Variants in SERPINI2 observed in about 807,000 individuals in gnomAD.
The protein encoded by SERPINI2 is serpin family I member 2.
In SERPINI2, 48 loss-of-function variants were observed where a neutral mutation model predicts 47.3. That is an observed-to-expected ratio of 1.02 (90% CI 0.81 to 1.29). The LOEUF (loss-of-function observed/expected upper bound fraction) is 1.29, where lower values mean the gene tolerates loss of function less well. Ranked by LOEUF, SERPINI2 falls within the 50% of genes most tolerant of loss-of-function variation. The probability of loss-of-function intolerance (pLI) is 0.00; values close to 1 mark genes in which losing one functional copy is unlikely to be tolerated. For synonymous variants in SERPINI2, 135 were observed against 149.3 expected, an observed-to-expected ratio of 0.90 and a Z score of 0.70; for missense variants, 448 against 456.9, an observed-to-expected ratio of 0.98 and a Z score of 0.18.
At chr3:167,466,065 C>A (rs1312502493) in intron 3 of SERPINI2, among the ~76,000 whole-genome samples, 1 of 152,156 alleles carries the variant, frequency 6.6e-6, no homozygotes, top group African/African-American at 2.4e-5. Flanking sequence ...GTTAATGGTA[C>A]ACCCAAACTT....
In SERPINI2 at chr3:167,451,062, C is replaced by A. The variant is rs528088381; in HGVS notation, c.965-1660G>T. Among the ~76,000 whole-genome samples, 6 of 152,258 alleles carry A rather than the reference C, an allele frequency of 3.9e-5. No homozygotes were observed. In the South Asian group the frequency reaches 1.2e-3, roughly 32 times the overall value. On this transcript the variant is annotated intron_variant, in intron 6 of 8. Transcript: ENST00000264677. ...AAATTAAGAGAACAAGAAAACAATA[C>A]GTTTGCTAGATGTGCAAGTAATATT...
chr3:167,474,355 C>A (rs183802161), upstream of SERPINI2, among the ~76,000 whole-genome samples: 1 of 151,786 alleles, frequency 6.6e-6, no homozygotes, highest in African/African-American at 2.4e-5. Flanking sequence ...GTAATTAGTT[C>A]TTTTTGTTTC....
At chr3:167,451,455 G>A (rs888031424) in intron 6 of SERPINI2, among the ~76,000 whole-genome samples, 9 of 152,216 alleles carry the variant, frequency 5.9e-5, no homozygotes, top group Admixed American at 2.6e-4. Context: ...GATAAGTAGA[G>A]ATAGCAGAGA....
At chr3:167,445,127 A>G (rs1749435182) in intron 8 of SERPINI2, among the ~76,000 whole-genome samples, 1 of 152,206 alleles carries the variant, frequency 6.6e-6, no homozygotes, top group South Asian at 2.1e-4. Context: ...CATCAATTCT[A>G]AAACTGTTTC....
At position 167,446,485 on chromosome 3, in the gene SERPINI2, T is replaced by G. The variant is rs1346701009; in HGVS notation, c.1052-4A>C. ...ATGATCACAGGGATGTGTATGCCTA[T>G]AAAATAGAGACAACAGTTATTTAGA... On this transcript the variant is annotated splice_polypyrimidine_tract_variant and splice_region_variant and intron_variant, in intron 7 of 8. Transcript: ENST00000264677. 1 of 1,549,028 alleles carries G rather than the reference T, an allele frequency of 6.5e-7. No individual in the cohort carries two copies. Among genetic ancestry groups the G allele is most frequent in the Admixed American group, 1.8e-5 (1 of 56,274 alleles).
chr3:167,456,117 A>G (rs1359619078), intron 5 of SERPINI2, among the ~76,000 whole-genome samples: 1 of 151,430 alleles, frequency 6.6e-6, no homozygotes, highest in Admixed American at 6.6e-5. Flanking sequence ...GTGAGTACAC[A>G]GTAAATTCTG....
At chr3:167,454,847 A>G (rs1367960693) in intron 5 of SERPINI2, among the ~76,000 whole-genome samples, 1 of 152,192 alleles carries the variant, frequency 6.6e-6, no homozygotes, top group Non-Finnish European at 1.5e-5. Context: ...TACTTAAGAT[A>G]AATTATAGTT....
chr3:167,463,427 T>A (rs1750038911), intron 5 of SERPINI2, among the ~76,000 whole-genome samples: 1 of 151,296 alleles, frequency 6.6e-6, no homozygotes, highest in African/African-American at 2.4e-5. Flanking sequence ...TGAGAGAGAG[T>A]AAGAGGAGGA....
chr3:167,460,717 AG>A (rs1275282897), intron 5 of SERPINI2, among the ~76,000 whole-genome samples: 1 of 152,216 alleles, frequency 6.6e-6, no homozygotes, highest in Non-Finnish European at 1.5e-5. Context: ...AAGGTGGGAA[AG>A]CTTCATCAGG....
intron 8 of SERPINI2, 124 bp from the exon 9 acceptor site, chr3:167,442,309 G>A: frequency 1.7e-6 from 1 of 571,504 alleles, no homozygotes; most frequent in Non-Finnish European, 2.9e-6. Flanking sequence ...TAAATAGGCA[G>A]TGTCTAATAG....
At chr3:167,463,411 T>A (rs1034040216) in intron 5 of SERPINI2, among the ~76,000 whole-genome samples, 5 of 151,900 alleles carry the variant, frequency 3.3e-5, no homozygotes, top group Admixed American at 6.5e-5. Context: ...ATAACAGGGA[T>A]ATTTCTGAGA....
chr3:167,453,984 GTAATAATCTTAAA>G (rs1350117144), intron 5 of SERPINI2, among the ~76,000 whole-genome samples: 1 of 152,190 alleles, frequency 6.6e-6, no homozygotes, highest in Non-Finnish European at 1.5e-5. Flanking sequence ...AAAGACACAT[GTAATAATCTTAAA>G]CAGGGAGCTA....
chr3:167,444,412 T>G (rs548440329), intron 8 of SERPINI2, among the ~76,000 whole-genome samples: 7 of 152,292 alleles, frequency 4.6e-5, no homozygotes, highest in African/African-American at 1.7e-4. Flanking sequence ...TTCCAGGCTA[T>G]GTAAAAATTG....
intron 7 of SERPINI2, chr3:167,447,122 A>G (rs1046775043): frequency 2.0e-5 from 3 of 152,194 alleles, no homozygotes; most frequent in Non-Finnish European, 2.9e-5. Flanking sequence ...TATTTTTCCT[A>G]TCTAGATTAA....
intron 6 of SERPINI2, among the ~76,000 whole-genome samples, 185 bp from the exon 7 acceptor site, chr3:167,449,587 C>A (rs1749587752): frequency 6.6e-6 from 1 of 152,120 alleles, no homozygotes; most frequent in Non-Finnish European, 1.5e-5. Context: ...CTCTGCCTCC[C>A]AGATTCAAAC....
intron 6 of SERPINI2, 93 bp downstream of exon 6, chr3:167,452,843 G>C (rs560053254): frequency 1.4e-6 from 1 of 719,950 alleles, no homozygotes; most frequent in East Asian, 2.7e-5. Flanking sequence ...ATTTATCAGA[G>C]CTGAATGCTC....
exon 5 of SERPINI2, chr3:167,465,302 A>G: frequency 2.5e-6 from 4 of 1,613,236 alleles, no homozygotes; most frequent in East Asian, 2.2e-5. Flanking sequence ...TTCTATATCC[A>G]TACCTTCTGC....
intron 8 of SERPINI2, among the ~76,000 whole-genome samples, chr3:167,444,097 A>T (rs532384905): frequency 3.7e-4 from 57 of 152,282 alleles, no homozygotes; most frequent in Non-Finnish European, 5.7e-4. Context: ...TTCTCCCCTC[A>T]ACACACAACC....
chr3:167,461,658 T>C (rs1189494623), intron 5 of SERPINI2, among the ~76,000 whole-genome samples: 1 of 152,036 alleles, frequency 6.6e-6, no homozygotes, highest in Non-Finnish European at 1.5e-5. Context: ...CTGCCCAGGC[T>C]GGAGTGCAGT....
Sources: allele counts gnomAD v4.1 joint callset (sites outside exome capture counted in the v4.1 genomes callset), GRCh38; gene constraint gnomAD v4.1.1; transcripts MANE v1.5; gene names NCBI Gene and HGNC (gene_info 2026-07-23, HGNC 2026-07-21).